The following CCSER1 variants were observed in gnomAD, a reference collection of about 807,000 sequenced individuals.
CCSER1 encodes coiled-coil serine rich protein 1.
Under a neutral mutation model 82.0 loss-of-function variants are expected in CCSER1, and 41 were observed. The ratio of observed to expected loss-of-function variants is 0.50; its 90% CI spans 0.39 to 0.65. The LOEUF is 0.65. CCSER1 is among the 30% of genes least tolerant of loss of function. CCSER1 has a pLI of 0.00. For missense variants in CCSER1, 1,119 were observed against 1,064.2 expected (o/e 1.05, Z -0.72); for synonymous variants, 414 against 383.9 (o/e 1.08, Z -0.92).
At chr4:90,821,642 C>T (rs1231269148) in intron 8 of CCSER1, among the ~76,000 whole-genome samples, 4 of 149,920 alleles carry the variant, frequency 2.7e-5, no homozygotes, top group East Asian at 1.9e-4. Context: ...AATAGCTAAA[C>T]GTATGCATAC....
At chr4:91,111,922 T>A (rs1336334360) in intron 10 of CCSER1, among the ~76,000 whole-genome samples, 1 of 151,672 alleles carries the variant, frequency 6.6e-6, no homozygotes, top group South Asian at 2.1e-4. Context: ...GTCCATTTTA[T>A]ATGCAGTCAA....
chr4:91,201,239 G>A (rs1735881790), intron 10 of CCSER1, among the ~76,000 whole-genome samples: 1 of 152,046 alleles, frequency 6.6e-6, no homozygotes, highest in East Asian at 1.9e-4. Context: ...CTATTTAATA[G>A]TACTGGAGCT....
intron 8 of CCSER1, among the ~76,000 whole-genome samples, chr4:90,842,652 A>T (rs766501389): frequency 6.6e-6 from 1 of 152,190 alleles, no homozygotes; most frequent in Non-Finnish European, 1.5e-5. Flanking sequence ...AGCAGGAAAT[A>T]GTAAGAAATG....
At chr4:90,626,255 GAGTC>G (rs1723243044) in intron 5 of CCSER1, among the ~76,000 whole-genome samples, 1 of 151,982 alleles carries the variant, frequency 6.6e-6, no homozygotes, top group Admixed American at 6.6e-5. Context: ...ACTATTTACT[GAGTC>G]AGCCTAATAT....
chr4:90,856,773 T>C (rs1764510939), intron 8 of CCSER1, among the ~76,000 whole-genome samples: 1 of 152,118 alleles, frequency 6.6e-6, no homozygotes. Context: ...TTCAAAGGGT[T>C]ATTGTAAGAA....
intron 10 of CCSER1, among the ~76,000 whole-genome samples, chr4:91,266,194 G>T (rs1159959566): frequency 6.6e-6 from 1 of 151,940 alleles, no homozygotes; most frequent in Non-Finnish European, 1.5e-5. Flanking sequence ...GTTTTGCAAG[G>T]AATTTTAAGC....
At chr4:91,352,524 G>A (rs1024926373) in intron 10 of CCSER1, among the ~76,000 whole-genome samples, 33 of 152,162 alleles carry the variant, frequency 2.2e-4, no homozygotes, top group Non-Finnish European at 3.1e-4. Flanking sequence ...GATTACAGGC[G>A]TGAGCCACCG....
chr4:90,859,896 C>T (rs1244543367), intron 8 of CCSER1, among the ~76,000 whole-genome samples: 1 of 151,488 alleles, frequency 6.6e-6, no homozygotes, highest in Non-Finnish European at 1.5e-5. Context: ...GCTTAGTCCT[C>T]AAATAGGTAA....
chr4:91,196,625 G>T (rs1202667434), intron 10 of CCSER1, among the ~76,000 whole-genome samples: 3 of 152,192 alleles, frequency 2.0e-5, no homozygotes, highest in Admixed American at 1.3e-4. Context: ...AGAAACAGAT[G>T]TTGGTAAGTA....
intron 10 of CCSER1, among the ~76,000 whole-genome samples, chr4:91,528,569 T>A (rs1442496047): frequency 6.6e-6 from 1 of 152,170 alleles, no homozygotes; most frequent in Non-Finnish European, 1.5e-5. Context: ...ATGACAGATA[T>A]GGCATACAGA....
intron 10 of CCSER1, among the ~76,000 whole-genome samples, chr4:91,133,227 CCCTTT>C (rs1409943229): frequency 2.6e-5 from 4 of 152,118 alleles, no homozygotes; most frequent in Non-Finnish European, 5.9e-5. Flanking sequence ...CCCTCCTCTT[CCCTTT>C]CCTTTACTTT....
At chr4:91,309,348 A>G (rs1320875291) in intron 10 of CCSER1, among the ~76,000 whole-genome samples, 1 of 60,198 alleles carries the variant, frequency 1.7e-5, no homozygotes, top group Non-Finnish European at 3.9e-5. Flanking sequence ...TTCTGTAAAA[A>G]TGTATGTGTG....
chr4:91,471,369 G>C (rs1757263493), intron 10 of CCSER1, among the ~76,000 whole-genome samples: 1 of 152,238 alleles, frequency 6.6e-6, no homozygotes, highest in Admixed American at 6.5e-5. Context: ...ATGAATTGCT[G>C]GACCCAGACT....
intron 9 of CCSER1, among the ~76,000 whole-genome samples, chr4:91,084,985 T>C (rs184558937): frequency 3.9e-4 from 60 of 152,130 alleles, no homozygotes; most frequent in Admixed American, 2.6e-3. Context: ...AATATTGCAC[T>C]CCCAGCATTA....
intron 10 of CCSER1, among the ~76,000 whole-genome samples, chr4:91,196,843 T>C (rs1357334578): frequency 2.6e-5 from 4 of 152,222 alleles, no homozygotes; most frequent in African/African-American, 4.8e-5. Context: ...TTTCCTGTTA[T>C]CTAAAATCTA....
chr4:90,484,545 T>C (rs183764986), intron 5 of CCSER1, among the ~76,000 whole-genome samples: 366 of 152,002 alleles, frequency 2.4e-3, no homozygotes, highest in Non-Finnish European at 3.7e-3. Context: ...TACAGACGGG[T>C]TTTTGGTGTG....
chr4:91,172,718 G>C (rs1356400434), intron 10 of CCSER1, among the ~76,000 whole-genome samples: 2 of 151,948 alleles, frequency 1.3e-5, no homozygotes, highest in Non-Finnish European at 2.9e-5. Flanking sequence ...TTCATCCAGG[G>C]GTTTTCCTCC....
At chr4:91,514,738 C>T (rs891418377) in intron 10 of CCSER1, among the ~76,000 whole-genome samples, 7 of 152,100 alleles carry the variant, frequency 4.6e-5, no homozygotes, top group African/African-American at 7.2e-5. Flanking sequence ...GGTTTAGTTC[C>T]AGTCAAAGTC....
At chr4:91,058,256 G>A (rs1218932415) in intron 9 of CCSER1, among the ~76,000 whole-genome samples, 1 of 151,784 alleles carries the variant, frequency 6.6e-6, no homozygotes, top group Non-Finnish European at 1.5e-5. Flanking sequence ...AGAGAATGTG[G>A]TACATATTCT....
Sources: allele counts gnomAD v4.1 joint callset (sites outside exome capture counted in the v4.1 genomes callset), GRCh38; gene constraint gnomAD v4.1.1; transcripts MANE v1.5; gene names NCBI Gene and HGNC (gene_info 2026-07-23, HGNC 2026-07-21).